Variants in PTK2 observed in about 807,000 individuals in gnomAD.
The protein encoded by PTK2 is focal adhesion kinase 1.
A neutral mutation model predicts 150.1 loss-of-function variants in PTK2; 45 were observed. The ratio of observed to expected loss-of-function variants is 0.30; its 90% CI spans 0.24 to 0.38. The LOEUF (loss-of-function observed/expected upper bound fraction) is 0.38. Among genes scored for constraint, PTK2 ranks in the 10% least tolerant of loss-of-function variants. The pLI is 1.00. For missense variants in PTK2, 919 were observed against 1,307.3 expected, an observed-to-expected ratio of 0.70 and a Z score of 4.58; for synonymous variants, 432 against 449.2, an observed-to-expected ratio of 0.96 and a Z score of 0.48.
intron 26 of PTK2, among the ~76,000 whole-genome samples, chr8:140,688,674 T>A (rs948151835): frequency 1.3e-5 from 2 of 152,150 alleles, no homozygotes; most frequent in Non-Finnish European, 2.9e-5. Flanking sequence ...GAGCTACCAT[T>A]GTACCACTGC....
intron 10 of PTK2, among the ~76,000 whole-genome samples, chr8:140,806,230 C>T (rs561057854): frequency 1.3e-5 from 2 of 152,154 alleles, no homozygotes; most frequent in East Asian, 1.9e-4. Context: ...ATGCAACTTA[C>T]GCGTAATGCA....
exon 10 of PTK2, chr8:140,818,295 T>C: frequency 6.2e-7 from 1 of 1,613,922 alleles, no homozygotes; most frequent in South Asian, 1.1e-5. Flanking sequence ...CCTTGTCCGT[T>C]AGGTAACTGA....
chr8:140,949,833 C>T (rs1454433850), intron 1 of PTK2, among the ~76,000 whole-genome samples: 1 of 152,172 alleles, frequency 6.6e-6, no homozygotes, highest in Non-Finnish European at 1.5e-5. Context: ...CAGGGACAGC[C>T]TTGAAGCCCG....
At chr8:140,846,348 A>G (rs753041441) in intron 6 of PTK2, 26 bp from the exon 7 acceptor site, 1 of 1,594,396 alleles carries the variant, frequency 6.3e-7, no homozygotes, top group Non-Finnish European at 8.6e-7. Context: ...ACATACATTT[A>G]TATGTATATA....
At chr8:140,675,817 T>A (rs1327837415) in intron 27 of PTK2, 1 of 214,314 alleles carries the variant, frequency 4.7e-6, no homozygotes, top group Non-Finnish European at 9.2e-6. Context: ...ACAACCTCTA[T>A]GGAAAATGAA....
intron 1 of PTK2, among the ~76,000 whole-genome samples, chr8:140,959,804 G>T (rs1266133698): frequency 2.0e-5 from 3 of 151,874 alleles, no homozygotes; most frequent in African/African-American, 7.3e-5. Flanking sequence ...ACCAGCCTGG[G>T]CAACACAGAG....
chr8:140,957,697 T>C (rs188928146), intron 1 of PTK2, among the ~76,000 whole-genome samples: 96 of 152,326 alleles, frequency 6.3e-4, no homozygotes, highest in Non-Finnish European at 9.8e-4. Flanking sequence ...CATATTCTTA[T>C]TGTACCTTTT....
intron 1 of PTK2, among the ~76,000 whole-genome samples, chr8:140,978,876 T>TA (rs199552632): frequency 0.024 from 3,660 of 151,970 alleles, 157 homozygotes; most frequent in African/African-American, 0.085. Flanking sequence ...CCATCAGTGA[T>TA]AGACTGGATT....
chr8:140,668,502 C>CT, intron 29 of PTK2, 78 bp from the exon 34 acceptor site: 3 of 1,473,320 alleles, frequency 2.0e-6, no homozygotes, highest in South Asian at 2.7e-5. Context: ...TAGAGAGGGT[C>CT]TTTACAAGAG....
intron 14 of PTK2, among the ~76,000 whole-genome samples, chr8:140,787,023 G>C (rs1311173407): frequency 6.6e-6 from 1 of 152,028 alleles, no homozygotes; most frequent in East Asian, 1.9e-4. Flanking sequence ...GATAATGAAA[G>C]GTCTTGGAGG....
At chr8:140,969,714 G>A (rs2100186581) in intron 1 of PTK2, among the ~76,000 whole-genome samples, 1 of 152,106 alleles carries the variant, frequency 6.6e-6, no homozygotes, top group Non-Finnish European at 1.5e-5. Flanking sequence ...TCACCTCCTA[G>A]GCAAGCTCAC....
At chr8:141,000,945 C>G (rs2100199994) in intron 1 of PTK2, 180 bp downstream of exon 1, 1 of 151,928 alleles carries the variant, frequency 6.6e-6, no homozygotes, top group South Asian at 2.1e-4. Context: ...CTCCCCTCCT[C>G]CCAGAACCCG....
At chr8:140,823,086 T>C (rs1387798987) in intron 8 of PTK2, among the ~76,000 whole-genome samples, 1 of 152,170 alleles carries the variant, frequency 6.6e-6, no homozygotes, top group Non-Finnish European at 1.5e-5. Context: ...AAAATCTCTT[T>C]AAGTGTATGA....
chr8:140,724,556 A>T (rs2100044717), intron 22 of PTK2, among the ~76,000 whole-genome samples: 1 of 152,242 alleles, frequency 6.6e-6, no homozygotes, highest in African/African-American at 2.4e-5. Context: ...TATGATCCTG[A>T]TCATAAAATT....
At chr8:140,762,608 C>CTCAT (rs1324625211) in intron 15 of PTK2, among the ~76,000 whole-genome samples, 2 of 152,182 alleles carry the variant, frequency 1.3e-5, no homozygotes, top group African/African-American at 4.8e-5. Flanking sequence ...AAGTTCCTAT[C>CTCAT]TCATCAAGTT....
chr8:140,712,592 G>T (rs2100037438), intron 23 of PTK2, among the ~76,000 whole-genome samples: 1 of 152,122 alleles, frequency 6.6e-6, no homozygotes, highest in African/African-American at 2.4e-5. Context: ...TATTTATCTT[G>T]TACTTTCAAT....
chr8:140,730,245 G>C (rs375615285), intron 22 of PTK2, among the ~76,000 whole-genome samples: 6 of 152,132 alleles, frequency 3.9e-5, no homozygotes, highest in African/African-American at 1.4e-4. Flanking sequence ...CTACTTCACA[G>C]AGCAATATTC....
intron 10 of PTK2, among the ~76,000 whole-genome samples, chr8:140,815,400 C>A (rs1197963191): frequency 6.6e-6 from 1 of 152,016 alleles, no homozygotes; most frequent in East Asian, 1.9e-4. Context: ...ACAACAGACA[C>A]TGGGGCCTAC....
chr8:140,990,444 G>A (rs1385721139), intron 1 of PTK2, among the ~76,000 whole-genome samples: 1 of 152,030 alleles, frequency 6.6e-6, no homozygotes, highest in African/African-American at 2.4e-5. Context: ...ATCTCACCAT[G>A]TTGACCAGGC....
Sources: gnomAD v4.1 joint callset for allele counts (sites outside exome capture counted in the v4.1 genomes callset) on GRCh38, gnomAD v4.1.1 for gene constraint, MANE v1.5 for transcripts, NCBI Gene and HGNC (gene_info 2026-07-23, HGNC 2026-07-21) for gene names.